ABL1: variants seen among roughly 807,000 people sequenced by gnomAD.
The protein encoded by ABL1 is tyrosine-protein kinase ABL1.
ABL1 carries 11 observed loss-of-function variants against 94.7 expected under a neutral mutation model. The observed-to-expected ratio is 0.12, with a 90% CI of 0.07 to 0.19. ABL1 has a LOEUF of 0.19. Among genes scored for constraint, ABL1 ranks in the 10% least tolerant of loss-of-function variants. ABL1 has a pLI of 1.00. For synonymous variants in ABL1, 656 were observed against 622.4 expected (o/e 1.05, Z -0.80); for missense variants, 1,082 against 1,489.4 (o/e 0.73, Z 4.50).
At chr9:130,804,025 T>C (rs114054680) in intron 1 of ABL1, among the ~76,000 whole-genome samples, 1,689 of 151,786 alleles carry the variant, frequency 0.011, 32 homozygotes, top group African/African-American at 0.038. Context: ...CATGCCACTG[T>C]TCTTCAGCCC....
chr9:130,847,345 A>T (rs1367608868), intron 1 of ABL1, among the ~76,000 whole-genome samples: 1 of 152,236 alleles, frequency 6.6e-6, no homozygotes, highest in African/African-American at 2.4e-5. Flanking sequence ...CTGCTGGAAG[A>T]ACAGAAGAAG....
At chr9:130,781,357 G>A (rs1044491051) in intron 1 of ABL1, among the ~76,000 whole-genome samples, 3 of 152,126 alleles carry the variant, frequency 2.0e-5, no homozygotes, top group Non-Finnish European at 4.4e-5. Context: ...GCCCGTGTGG[G>A]TGCCCCATCC....
At chr9:130,883,759 A>G (rs1831507823) in intron 10 of ABL1, among the ~76,000 whole-genome samples, 1 of 152,228 alleles carries the variant, frequency 6.6e-6, no homozygotes, top group South Asian at 2.1e-4. Flanking sequence ...ACAGTGGGGA[A>G]GGGACAATGG....
intron 1 of ABL1, among the ~76,000 whole-genome samples, chr9:130,729,787 G>A (rs535663370): frequency 1.4e-4 from 21 of 151,626 alleles, no homozygotes; most frequent in Middle Eastern, 3.4e-3. Context: ...CCAGGCTGGA[G>A]TGCAGTGGTG....
At chr9:130,874,259 G>T (rs569727307) in intron 6 of ABL1, among the ~76,000 whole-genome samples, 7 of 152,290 alleles carry the variant, frequency 4.6e-5, no homozygotes, top group African/African-American at 1.7e-4. Flanking sequence ...GGAAGTGAGA[G>T]GAAGCAGATT....
intron 1 of ABL1, among the ~76,000 whole-genome samples, chr9:130,733,723 C>T (rs868693368): frequency 6.6e-6 from 1 of 151,518 alleles, no homozygotes; most frequent in African/African-American, 2.4e-5. Context: ...GGACTACAGG[C>T]GCCCGCCACC....
chr9:130,834,338 T>C (rs973792508), upstream of ABL1, among the ~76,000 whole-genome samples: 2 of 152,198 alleles, frequency 1.3e-5, no homozygotes, highest in African/African-American at 4.8e-5. Flanking sequence ...TTTCCTGTCA[T>C]GAGGGGAACT....
upstream of ABL1, among the ~76,000 whole-genome samples, chr9:130,834,370 T>G (rs929365348): frequency 4.6e-5 from 7 of 152,232 alleles, no homozygotes; most frequent in Non-Finnish European, 8.8e-5. Context: ...ATTGAATTAT[T>G]TGGTGCCATT....
chr9:130,763,593 G>T (rs1202552836), intron 1 of ABL1, among the ~76,000 whole-genome samples: 2 of 152,224 alleles, frequency 1.3e-5, no homozygotes, highest in African/African-American at 4.8e-5. Context: ...CTGCCTCCAA[G>T]ATGGCTCACT....
intron 1 of ABL1, among the ~76,000 whole-genome samples, chr9:130,721,139 G>A (rs1831509114): frequency 6.6e-6 from 1 of 152,084 alleles, no homozygotes; most frequent in African/African-American, 2.4e-5. Flanking sequence ...AGCACTTTAG[G>A]AGGCCAAGGC....
chr9:130,794,362 A>C (rs1267490176), intron 1 of ABL1, among the ~76,000 whole-genome samples: 1 of 152,208 alleles, frequency 6.6e-6, no homozygotes, highest in African/African-American at 2.4e-5. Flanking sequence ...TTAGCAGACT[A>C]TGTCATAGTC....
chr9:130,728,917 C>G (rs1831626763), intron 1 of ABL1, among the ~76,000 whole-genome samples: 1 of 151,946 alleles, frequency 6.6e-6, no homozygotes, highest in Non-Finnish European at 1.5e-5. Flanking sequence ...GATTGTATGC[C>G]AGACATGTGG....
At chr9:130,730,596 G>C (rs1831651861) in intron 1 of ABL1, among the ~76,000 whole-genome samples, 1 of 151,518 alleles carries the variant, frequency 6.6e-6, no homozygotes, top group Non-Finnish European at 1.5e-5. Flanking sequence ...GTTTGAGGCA[G>C]AGTCTTATTC....
upstream of ABL1, chr9:130,834,956 G>T: frequency 2.2e-6 from 1 of 454,958 alleles, no homozygotes; most frequent in South Asian, 1.6e-5. Flanking sequence ...GCCCCAGGCC[G>T]CGGTGGAGTT....
chr9:130,884,154 C>G lies in ABL1; in HGVS notation c.1864C>G (p.Arg622Gly), dbSNP rs759909014. ...PTPPKRSSSFREMDGQPERRG... is the reference protein window; with the variant it reads ...PTPPKRSSSFGEMDGQPERRG... ...CCCTCCCAAACGCAGCAGCTCCTTC[C>G]GGGAGATGGACGGCCAGCCGGAGCG... Residue 622 changes from arginine (R) to glycine (G), a missense_variant, in exon 11 of 11, where the codon CGG becomes GGG. Arg to Gly is a moderately radical substitution (Grantham distance 125). This residue lies in a region of ABL1 where 780 missense variants were observed against 835.8 expected (regional missense o/e 0.93). Transcript: ENST00000318560. This position sits in a 1 kb window ranked among gnomAD's most constrained non-coding sequence, Gnocchi z 5.6. The G allele has an allele frequency of 6.2e-7, 1 of 1,613,252 alleles. No individual in the cohort carries two copies. Among genetic ancestry groups the G allele is most frequent in the East Asian group, 2.2e-5 (1 of 44,886 alleles).
chr9:130,840,463 TA>T (rs1311185994), intron 1 of ABL1, among the ~76,000 whole-genome samples: 7 of 152,304 alleles, frequency 4.6e-5, no homozygotes, highest in Non-Finnish European at 1.0e-4. Flanking sequence ...CAAGTCATTG[TA>T]ATTGTGCCAG....
intron 1 of ABL1, among the ~76,000 whole-genome samples, chr9:130,746,567 G>T (rs546716059): frequency 8.6e-5 from 13 of 150,688 alleles, no homozygotes; most frequent in African/African-American, 2.9e-4. Context: ...TTCACTGAGC[G>T]TAATGCCTTT....
intron 1 of ABL1, chr9:130,714,520 A>G: frequency 1.9e-6 from 3 of 1,600,268 alleles, no homozygotes; most frequent in Non-Finnish European, 2.6e-6. Flanking sequence ...CCTTCAAGGA[A>G]CTTTGAACAA....
rs187868905 is a variant in ABL1 at position 130,884,613 on chromosome 9, G to A, written c.2323G>A (p.Val775Met). ...GGCAGGGGAGAACAGGTCTGACCAG[G>A]TGACCCGAGGCACAGTAACGCCTCC... The part of the protein sequence containing the change: ...KRAGENRSDQ[V>M]TRGTVTPPPR... The change falls in exon 11 of 11, where the codon GTG becomes ATG. Residue 775 changes from valine (V) to methionine (M), a missense_variant. Around this residue, in one of 7 missense-constraint regions of ABL1, gnomAD observed 780 missense variants for 835.8 expected, o/e 0.93. Coordinates refer to ENST00000318560, the MANE Select transcript of ABL1 (RefSeq NM_005157.6). The surrounding 1 kb of genome is among the most constrained non-coding windows in gnomAD (Gnocchi z 5.6). The A allele has an allele frequency of 6.2e-7, 1 of 1,613,274 alleles. No individual in the cohort carries two copies. Among genetic ancestry groups the A allele is most frequent in the African/African-American group, 1.3e-5 (1 of 74,942 alleles).
Sources: allele counts gnomAD v4.1 joint callset (sites outside exome capture counted in the v4.1 genomes callset), GRCh38; gene constraint gnomAD v4.1.1; regional missense constraint gnomAD v4.1.1; non-coding constraint Gnocchi (gnomAD v3.1); transcripts MANE v1.5; gene names NCBI Gene and HGNC (gene_info 2026-07-23, HGNC 2026-07-21).